The following USP24 variants were observed in gnomAD, a reference collection of about 807,000 sequenced individuals.
The protein encoded by USP24 is ubiquitin carboxyl-terminal hydrolase 24.
A neutral mutation model predicts 361.6 loss-of-function variants in USP24; 97 were observed. The ratio of observed to expected loss-of-function variants is 0.27; its 90% confidence interval spans 0.23 to 0.32. The LOEUF (loss-of-function observed/expected upper bound fraction) is 0.32, where lower values mean the gene tolerates loss of function less well. Ranked by LOEUF, USP24 falls within the 10% of genes least tolerant of loss-of-function variation. USP24 has a pLI of 1.00. For missense variants in USP24, 2,353 were observed against 3,165.6 expected, an observed-to-expected ratio of 0.74 and a Z score of 6.16; for synonymous variants, 1,098 against 1,124.6, an observed-to-expected ratio of 0.98 and a Z score of 0.47.
At chr1:55,158,279 G>A (rs1038667349) in intron 10 of USP24, among the ~76,000 whole-genome samples, 1 of 152,128 alleles carries the variant, frequency 6.6e-6, no homozygotes. Flanking sequence ...TCTTTTCAAT[G>A]AACTCCTCTT....
Position 55,123,524 on chromosome 1 carries a change from G to C in USP24, c.4199C>G (p.Ser1400Cys), listed in dbSNP as rs1471890918. 1.9e-6 allele frequency: 3 copies of C among 1,603,828 alleles called. No homozygotes were observed. Among genetic ancestry groups the C allele is most frequent in the Non-Finnish European group, 2.6e-6 (3 of 1,175,182 alleles). Reference sequence around the variant, plus strand: ...TCCCGCAATCAGCGAGTCTTTGGTGGATACAGACTGTTGTCGAACACAGAT... The same window carrying C: ...TCCCGCAATCAGCGAGTCTTTGGTGCATACAGACTGTTGTCGAACACAGAT... ...AGICVRQQSV[S>C]TKDSLIAGEA... Residue 1400 changes from serine to cysteine, a missense_variant, in exon 36 of 68, where the codon TCC becomes TGC. Physicochemically the swap from Ser to Cys is moderately radical, Grantham distance 112. This residue lies in a region of USP24 where 949 missense variants were observed against 1,280.5 expected (regional missense o/e 0.74). Coordinates refer to ENST00000294383, the MANE Select transcript of USP24 (RefSeq NM_015306.3).
chr1:55,073,320 C>T (rs758063748), intron 64 of USP24, among the ~76,000 whole-genome samples: 9 of 152,066 alleles, frequency 5.9e-5, no homozygotes, highest in Non-Finnish European at 1.2e-4. Flanking sequence ...GTCACTTAAA[C>T]TACCCATGAT....
chr1:55,091,852 G>C (rs1468619828), intron 54 of USP24, among the ~76,000 whole-genome samples, 171 bp downstream of exon 54: 2 of 152,090 alleles, frequency 1.3e-5, no homozygotes, highest in African/African-American at 4.8e-5. Flanking sequence ...TCTTTTGTTT[G>C]AGCTATTCTT....
intron 12 of USP24, among the ~76,000 whole-genome samples, chr1:55,156,377 G>A (rs1471182819): frequency 6.6e-6 from 1 of 151,346 alleles, no homozygotes; most frequent in Non-Finnish European, 1.5e-5. Flanking sequence ...TAAGAACTAA[G>A]GCTTGAAAAA....
intron 16 of USP24, among the ~76,000 whole-genome samples, chr1:55,148,779 T>C (rs1467163606): frequency 1.3e-5 from 2 of 152,198 alleles, no homozygotes; most frequent in South Asian, 2.1e-4. Context: ...AGCTAAGAAC[T>C]GCAAACAGGA....
Position 55,123,532 on chromosome 1 carries a change from C to G in USP24, c.4191G>C (p.Gln1397His), listed in dbSNP as rs377335716. The G allele has an allele frequency of 3.6e-5, 58 of 1,602,946 alleles. No homozygotes were observed. Among genetic ancestry groups the G allele is most frequent in the Non-Finnish European group, 4.6e-5 (54 of 1,174,806 alleles). Reference sequence around the variant, plus strand: ...TCAGCGAGTCTTTGGTGGATACAGACTGTTGTCGAACACAGATTCCCGCAT... The same window carrying G: ...TCAGCGAGTCTTTGGTGGATACAGAGTGTTGTCGAACACAGATTCCCGCAT... ...ALHAGICVRQ[Q>H]SVSTKDSLIA... Residue 1397 changes from glutamine (Q) to histidine (H), a missense_variant, in exon 36 of 68, where the codon CAG becomes CAC. Gln to His is a conservative substitution (Grantham distance 24). Transcript: ENST00000294383.
intron 43 of USP24, 69 bp from the exon 44 acceptor site, chr1:55,101,033 A>G: frequency 6.6e-7 from 1 of 1,517,344 alleles, no homozygotes; most frequent in Non-Finnish European, 8.8e-7. Flanking sequence ...TGACATATGT[A>G]CATGTTAGTA....
At position 55,158,056 on chromosome 1, in the gene USP24, G is replaced by A. The variant is rs1234121191; in HGVS notation, c.1228-686C>T. ...TGGGAACTGCAGGATGTGAAACATCGGATCTATTCATTGTCTTGATCTCTA... is the reference window on the plus strand; with the variant it reads ...TGGGAACTGCAGGATGTGAAACATCAGATCTATTCATTGTCTTGATCTCTA... On this transcript the variant is annotated intron_variant, in intron 10 of 67. Transcript: ENST00000294383. Among the ~76,000 whole-genome samples, 4 of 152,016 alleles carry A rather than the reference G, an allele frequency of 2.6e-5. No homozygotes were observed. In the Admixed American group the frequency reaches 2.6e-4, roughly 10 times the overall value.
At chr1:55,116,202 A>G (rs1646110538) in intron 38 of USP24, among the ~76,000 whole-genome samples, 1 of 152,330 alleles carries the variant, frequency 6.6e-6, no homozygotes, top group South Asian at 2.1e-4. Flanking sequence ...CATTAAAAAC[A>G]AGAAAAGGAT....
intron 63 of USP24, among the ~76,000 whole-genome samples, chr1:55,074,763 G>C (rs758896837): frequency 3.9e-5 from 6 of 152,054 alleles, no homozygotes; most frequent in Admixed American, 2.0e-4. Flanking sequence ...GCTCTGACTA[G>C]AGTACAGCGT....
chr1:55,155,476 G>T (rs910104307), intron 12 of USP24, among the ~76,000 whole-genome samples: 1 of 152,078 alleles, frequency 6.6e-6, no homozygotes, highest in African/African-American at 2.4e-5. Context: ...ATAAATCATG[G>T]TCTCTAATCT....
chr1:55,071,702 G>T, intron 67 of USP24, 112 bp downstream of exon 67: 2 of 1,189,830 alleles, frequency 1.7e-6, no homozygotes, highest in South Asian at 1.4e-5. Context: ...GTAACTCTTT[G>T]GACTCACATT....
At chr1:55,152,433 GCCACTTCCCTGGAGGGAGGGAAAAAT>G (rs1381858772) in intron 16 of USP24, among the ~76,000 whole-genome samples, 2 of 152,156 alleles carry the variant, frequency 1.3e-5, no homozygotes, top group Non-Finnish European at 2.9e-5. Context: ...GGTTTCAAAC[GCCACTTCCCTGGAGGGAGGGAAAAAT>G]CCATTCAGCT....
intron 31 of USP24, among the ~76,000 whole-genome samples, chr1:55,131,951 C>T (rs1646605146): frequency 6.6e-6 from 1 of 152,140 alleles, no homozygotes; most frequent in Admixed American, 6.5e-5. Flanking sequence ...GTCACTTTCC[C>T]ATAGTGCTTT....
chr1:55,162,305 A>AT (rs1173503306), intron 7 of USP24, 41 bp from the exon 8 acceptor site: 14 of 1,475,960 alleles, frequency 9.5e-6, no homozygotes, highest in African/African-American at 7.2e-5. Flanking sequence ...ATTTGAGAGG[A>AT]TTTTTTTCCT....
chr1:55,170,127 A>G (rs929652501), intron 5 of USP24, among the ~76,000 whole-genome samples: 2 of 152,298 alleles, frequency 1.3e-5, no homozygotes, highest in South Asian at 2.1e-4. Flanking sequence ...CAGAATATTT[A>G]AAGATGGGAA....
chr1:55,116,531 G>GTT (rs1056423574), intron 38 of USP24, among the ~76,000 whole-genome samples: 3 of 152,004 alleles, frequency 2.0e-5, no homozygotes, highest in African/African-American at 7.2e-5. Context: ...AGAGAGTACC[G>GTT]TAAGCAACTA....
Position 55,166,599 on chromosome 1 carries a change from G to C in USP24, c.830C>G (p.Pro277Arg). The C allele has an allele frequency of 6.3e-7, 1 of 1,592,360 alleles. No individual in the cohort carries two copies. The highest frequency in any genetic ancestry group is 8.6e-7 in the Non-Finnish European group (1 of 1,168,912). The part of the protein sequence containing the change: ...VSPVSTFQKE[P>R]HGWVVDLVNK... ...TACCAAATCCACAACCCATCCATGAGGCTCCTATGAGAAAAGAAAAACAAA... is the reference window on the plus strand; with the variant it reads ...TACCAAATCCACAACCCATCCATGACGCTCCTATGAGAAAAGAAAAACAAA... The change falls in exon 6 of 68, where the codon CCT (proline) becomes CGT (arginine). Residue 277 changes from proline (P) to arginine (R), a missense_variant. This residue lies in a region of USP24 where 386 missense variants were observed against 560.5 expected (regional missense o/e 0.69). Coordinates refer to ENST00000294383, the MANE Select transcript of USP24 (RefSeq NM_015306.3).
rs79034997 is a variant in USP24 at position 55,134,461 on chromosome 1, C to A, written c.3202-48G>T. ...AAATTCAAATTTACAAAAGAATGTT[C>A]TCCTTTCCTAATCAAACTTACAAAC... On this transcript the variant is annotated intron_variant, in intron 28 of 67. Transcript: ENST00000294383. 823 of 1,494,996 alleles carry A rather than the reference C, an allele frequency of 5.5e-4. 4 individuals carry two copies. The African/African-American group carries it at 0.01, about 18-fold the overall frequency. 92.6% of individuals were successfully genotyped at this position (1,494,996 alleles called of 1,614,324 possible).
Sources: gnomAD v4.1 joint callset for allele counts (sites outside exome capture counted in the v4.1 genomes callset) on GRCh38, gnomAD v4.1.1 for gene constraint, gnomAD v4.1.1 regional missense constraint, MANE v1.5 for transcripts, NCBI Gene and HGNC (gene_info 2026-07-23, HGNC 2026-07-21) for gene names.